The following NRG1 variants were observed in gnomAD, a reference collection of about 807,000 sequenced individuals.
NRG1 encodes pro-neuregulin-1, membrane-bound isoform.
Under a neutral mutation model 63.8 loss-of-function variants are expected in NRG1, and 18 were observed. That is an observed-to-expected ratio of 0.28 (90% CI 0.19 to 0.42). The LOEUF is 0.42. Among genes scored for constraint, NRG1 ranks in the 10% least tolerant of loss-of-function variants. The pLI is 1.00. For synonymous variants in NRG1, 302 were observed against 301.3 expected (o/e 1.00, Z -0.02); for missense variants, 762 against 814.7 (o/e 0.94, Z 0.79).
intron 1 of NRG1, among the ~76,000 whole-genome samples, chr8:31,780,910 C>A (rs949200618): frequency 1.3e-5 from 2 of 152,284 alleles, no homozygotes; most frequent in Admixed American, 1.3e-4. Flanking sequence ...TTATGAGCTC[C>A]ATTGATCCTA....
chr8:32,426,392 G>A (rs1398696848), intron 1 of NRG1, among the ~76,000 whole-genome samples: 5 of 152,180 alleles, frequency 3.3e-5, no homozygotes, highest in African/African-American at 1.2e-4. Context: ...ATAGAGAAAA[G>A]CTAGTTCAGA....
At chr8:32,212,972 T>C (rs1432673779) in intron 1 of NRG1, among the ~76,000 whole-genome samples, 1 of 152,212 alleles carries the variant, frequency 6.6e-6, no homozygotes, top group Non-Finnish European at 1.5e-5. Context: ...TTATTATCTG[T>C]TCTTGGGAGA....
chr8:32,249,428 A>T (rs1027780332), intron 1 of NRG1, among the ~76,000 whole-genome samples: 3 of 152,148 alleles, frequency 2.0e-5, no homozygotes, highest in African/African-American at 4.8e-5. Flanking sequence ...ACTGTTTCAT[A>T]TCAAAGAGCT....
At chr8:31,830,412 C>T (rs1825026621) in intron 1 of NRG1, among the ~76,000 whole-genome samples, 1 of 139,122 alleles carries the variant, frequency 7.2e-6, no homozygotes, top group Admixed American at 7.7e-5. Flanking sequence ...TGTAACTTAA[C>T]ACCTATTTGA....
chr8:32,251,564 T>A (rs1849111031), intron 1 of NRG1, among the ~76,000 whole-genome samples: 1 of 152,202 alleles, frequency 6.6e-6, no homozygotes, highest in Admixed American at 6.5e-5. Flanking sequence ...ATCCTTTGGG[T>A]GTATACCCAG....
chr8:32,185,074 T>C (rs1841835034), intron 1 of NRG1, among the ~76,000 whole-genome samples: 1 of 152,184 alleles, frequency 6.6e-6, no homozygotes, highest in Admixed American at 6.5e-5. Context: ...TAAGCCTGTT[T>C]ACTCTGGGGA....
At chr8:31,959,558 G>A (rs896455505) in intron 1 of NRG1, among the ~76,000 whole-genome samples, 5 of 151,974 alleles carry the variant, frequency 3.3e-5, no homozygotes, top group Non-Finnish European at 5.9e-5. Context: ...GCCCCGTCTT[G>A]ATGGGTCATG....
At chr8:32,640,710 T>C (rs1373587060) in intron 5 of NRG1, among the ~76,000 whole-genome samples, 1 of 151,792 alleles carries the variant, frequency 6.6e-6, no homozygotes, top group Admixed American at 6.6e-5. Flanking sequence ...TCAAAAGGCT[T>C]CTGAGAACAT....
chr8:31,730,932 G>A (rs1320428235), intron 1 of NRG1, among the ~76,000 whole-genome samples: 2 of 151,944 alleles, frequency 1.3e-5, no homozygotes, highest in Non-Finnish European at 2.9e-5. Context: ...TTAATATACA[G>A]GAAAAACAGC....
rs183814483 is a variant in NRG1, at chr8:31,800,755, A to G, written c.37+161324A>G. Among the ~76,000 whole-genome samples the G allele has an allele frequency of 4.6e-5, 7 of 152,240 alleles. No individual in the cohort carries two copies. In the East Asian group the frequency reaches 9.6e-4, roughly 21 times the overall value. ...AAAAATGAGGAAAAAAATAGAAAGA[A>G]AAATGTCGAATTTAAACATTTTGTC... On this transcript the variant is annotated intron_variant, in intron 1 of 10. Coordinates refer to the NRG1 transcript ENST00000519301.
intron 1 of NRG1, among the ~76,000 whole-genome samples, chr8:31,811,347 T>C (rs1167579457): frequency 2.0e-5 from 3 of 152,334 alleles, no homozygotes; most frequent in African/African-American, 7.2e-5. Context: ...TACTTCTATT[T>C]CTACTAAGCC....
chr8:31,797,251 G>C (rs1396571485), intron 1 of NRG1, among the ~76,000 whole-genome samples: 1 of 152,164 alleles, frequency 6.6e-6, no homozygotes, highest in East Asian at 1.9e-4. Flanking sequence ...GAGCATTGGA[G>C]GATAAGCTCC....
intron 1 of NRG1, among the ~76,000 whole-genome samples, chr8:32,558,399 G>A (rs386473290): frequency 4.1e-4 from 63 of 152,276 alleles, no homozygotes; most frequent in Non-Finnish European, 4.6e-4. Flanking sequence ...CAGTGCCTTC[G>A]TTTACTTTCC....
intron 1 of NRG1, among the ~76,000 whole-genome samples, chr8:32,319,925 T>G (rs899904139): frequency 3.9e-5 from 6 of 152,156 alleles, no homozygotes; most frequent in Admixed American, 3.9e-4. Flanking sequence ...TCAGAGATTG[T>G]GCATTAATGT....
At position 32,564,726 on chromosome 8, in the gene NRG1, C is replaced by T. The variant is rs188607996; in HGVS notation, c.100+15900C>T. ...TAGGAATGTCAGTCTAACTTCATTC[C>T]TTTGAAGGTGATCAGCCTTTCTTCT... On this transcript the variant is annotated intron_variant, in intron 1 of 11. Coordinates refer to ENST00000356819, the Ensembl canonical transcript of NRG1. Among the ~76,000 whole-genome samples the T allele has an allele frequency of 2.4e-4, 36 of 152,220 alleles. No individual in the cohort carries two copies. In the East Asian group the frequency reaches 6.2e-3, roughly 26 times the overall value.
chr8:32,257,007 C>T (rs976897602), intron 1 of NRG1, among the ~76,000 whole-genome samples: 33 of 152,158 alleles, frequency 2.2e-4, no homozygotes, highest in Non-Finnish European at 3.1e-4. Context: ...TCTAGAGAGG[C>T]AATCTGACTA....
intron 1 of NRG1, among the ~76,000 whole-genome samples, chr8:32,344,068 A>G (rs16879203): frequency 0.61 from 93,279 of 152,106 alleles, 29,273 homozygotes; most frequent in Non-Finnish European, 0.67. Flanking sequence ...ACACAAGGTA[A>G]CTTAGTATTT....
intron 1 of NRG1, among the ~76,000 whole-genome samples, chr8:32,582,494 C>T (rs1054018292): frequency 2.0e-5 from 3 of 152,034 alleles, no homozygotes; most frequent in East Asian, 1.9e-4. Flanking sequence ...ATAAAATGAG[C>T]GGTTATTGAT....
chr8:32,436,031 C>T lies in NRG1; in HGVS notation c.38-159797C>T, dbSNP rs534694468. ...ACATTCACCAGGAGTGTGTATTAAT[C>T]ACTTCTCACACTGCTGATAAAGACA... On this transcript the variant is annotated intron_variant, in intron 1 of 10. Coordinates refer to the NRG1 transcript ENST00000519301. Among the ~76,000 whole-genome samples the T allele has an allele frequency of 2.0e-5, 3 of 152,184 alleles. No homozygotes were observed. The South Asian group carries it at 6.2e-4, about 32-fold the overall frequency.
Sources: gnomAD v4.1 joint callset for allele counts (sites outside exome capture counted in the v4.1 genomes callset) on GRCh38, gnomAD v4.1.1 for gene constraint, MANE v1.5 for transcripts, NCBI Gene and HGNC (gene_info 2026-07-23, HGNC 2026-07-21) for gene names.